NCOA1: variants seen among roughly 807,000 people sequenced by gnomAD.
The protein encoded by NCOA1 is nuclear receptor coactivator 1.
A neutral mutation model predicts 150.9 loss-of-function variants in NCOA1; 35 were observed. The observed-to-expected ratio is 0.23, with a 90% confidence interval of 0.18 to 0.31. The LOEUF is 0.31. Ranked by LOEUF, NCOA1 falls within the 10% of genes least tolerant of loss-of-function variation. NCOA1 has a pLI of 1.00. For synonymous variants in NCOA1, 590 were observed against 630.0 expected, an observed-to-expected ratio of 0.94 and a Z score of 0.95; for missense variants, 1,491 against 1,749.3, an observed-to-expected ratio of 0.85 and a Z score of 2.63.
chr2:24,734,107 G>A (rs2148651315), intron 17 of NCOA1, among the ~76,000 whole-genome samples: 1 of 151,638 alleles, frequency 6.6e-6, no homozygotes, highest in East Asian at 1.9e-4. Flanking sequence ...AATCCAGGAG[G>A]TGGAGGTTGC....
At chr2:24,667,740 C>A (rs1234747073) in intron 6 of NCOA1, among the ~76,000 whole-genome samples, 3 of 152,132 alleles carry the variant, frequency 2.0e-5, no homozygotes. Context: ...ACACTCTGCC[C>A]CTGCTATTTA....
chr2:24,597,753 C>T (rs765924675), intron 3 of NCOA1, among the ~76,000 whole-genome samples: 14 of 152,130 alleles, frequency 9.2e-5, no homozygotes, highest in Non-Finnish European at 1.8e-4. Context: ...GCTTTACTCA[C>T]AGTTTACTGA....
Position 24,682,933 on chromosome 2 carries a change from T to C in NCOA1, c.355-18T>C. Reference sequence around the variant, plus strand: ...TATCTTTCAACCTCCAAACCATTTTTTTCTTTTGGTTTTGCAGGCTTTGGA... The same window carrying C: ...TATCTTTCAACCTCCAAACCATTTTCTTCTTTTGGTTTTGCAGGCTTTGGA... On this transcript the variant is annotated intron_variant, in intron 7 of 22. Coordinates refer to ENST00000348332, the MANE Select transcript of NCOA1 (RefSeq NM_003743.5). 1 of 1,569,492 alleles carries C rather than the reference T, an allele frequency of 6.4e-7. No homozygotes were observed. The highest frequency in any genetic ancestry group is 1.2e-5 in the South Asian group (1 of 82,184).
At chr2:24,741,671 A>C in intron 18 of NCOA1, 113 bp from the exon 19 acceptor site, 4 of 1,167,538 alleles carry the variant, frequency 3.4e-6, no homozygotes, top group Non-Finnish European at 4.8e-6. Flanking sequence ...TTGTACAGTG[A>C]TAATTGCTAT....
intron 3 of NCOA1, among the ~76,000 whole-genome samples, chr2:24,630,153 T>C (rs952989494): frequency 1.2e-4 from 18 of 152,192 alleles, no homozygotes; most frequent in Non-Finnish European, 2.2e-4. Context: ...CCGTAACTTA[T>C]TAATGTTTAC....
intron 3 of NCOA1, among the ~76,000 whole-genome samples, chr2:24,639,916 G>GTATGTA (rs1558864239): frequency 2.0e-4 from 6 of 29,732 alleles, no homozygotes; most frequent in Non-Finnish European, 6.6e-4. Context: ...ATGTGTGTGT[G>GTATGTA]TATATATATA....
intron 1 of NCOA1, among the ~76,000 whole-genome samples, chr2:24,505,907 T>C (rs1663672090): frequency 6.6e-6 from 1 of 152,000 alleles, no homozygotes. Context: ...CCATCTGCCA[T>C]AGGAAAGAAT....
chr2:24,545,852 G>T (rs947502816), intron 1 of NCOA1, among the ~76,000 whole-genome samples: 12 of 152,104 alleles, frequency 7.9e-5, no homozygotes, highest in African/African-American at 2.7e-4. Context: ...GAGTGCAGTG[G>T]CACGATCTCG....
chr2:24,503,733 GTTTTTTT>G (rs72387328), intron 1 of NCOA1, among the ~76,000 whole-genome samples: 2 of 132,098 alleles, frequency 1.5e-5, no homozygotes, highest in African/African-American at 5.7e-5. Flanking sequence ...ACTTGTCTCT[GTTTTTTT>G]TTTTTTTTTT....
chr2:24,608,704 G>GTTTTTTT (rs56710627), intron 3 of NCOA1, among the ~76,000 whole-genome samples: 33 of 117,296 alleles, frequency 2.8e-4, no homozygotes, highest in Non-Finnish European at 3.8e-4. Context: ...TTGTTGTTGT[G>GTTTTTTT]TTTTTTTTTT....
chr2:24,591,909 G>A (rs1667673622), intron 3 of NCOA1, among the ~76,000 whole-genome samples: 2 of 152,100 alleles, frequency 1.3e-5, no homozygotes, highest in East Asian at 1.9e-4. Context: ...TTAAAAAAAA[G>A]TTTTCTTGAA....
intron 11 of NCOA1, among the ~76,000 whole-genome samples, chr2:24,701,324 C>G (rs535638924): frequency 6.6e-6 from 1 of 151,710 alleles, no homozygotes; most frequent in Non-Finnish European, 1.5e-5. Flanking sequence ...GGCAACATGG[C>G]GAAACCTCAT....
At chr2:24,606,978 C>T (rs939633130) in intron 3 of NCOA1, among the ~76,000 whole-genome samples, 5 of 152,288 alleles carry the variant, frequency 3.3e-5, no homozygotes, top group Admixed American at 6.5e-5. Context: ...ACCCTCACTT[C>T]TTGTTCCATG....
intron 1 of NCOA1, among the ~76,000 whole-genome samples, chr2:24,532,465 T>C (rs538104641): frequency 1.3e-4 from 20 of 152,266 alleles, no homozygotes; most frequent in Middle Eastern, 3.4e-3. Context: ...AATTAGATCC[T>C]GTTTGTCAAT....
chr2:24,698,756 A>G (rs1488662106), intron 11 of NCOA1, among the ~76,000 whole-genome samples: 1 of 152,120 alleles, frequency 6.6e-6, no homozygotes, highest in Non-Finnish European at 1.5e-5. Context: ...TTATTTTGTC[A>G]TTCTTAATTT....
At chr2:24,573,133 T>C (rs971895196) in intron 2 of NCOA1, among the ~76,000 whole-genome samples, 7 of 152,026 alleles carry the variant, frequency 4.6e-5, no homozygotes, top group Non-Finnish European at 8.8e-5. Flanking sequence ...TGATCTTAAA[T>C]GAGGAGGCAT....
intron 3 of NCOA1, among the ~76,000 whole-genome samples, chr2:24,592,589 T>G (rs1031739231): frequency 6.7e-6 from 1 of 149,168 alleles, no homozygotes; most frequent in African/African-American, 2.5e-5. Flanking sequence ...TTTTTTTTTT[T>G]TTTTTTTTTT....
Position 24,557,690 on chromosome 2 carries a change from G to A in NCOA1, c.-395-6605G>A, listed in dbSNP as rs532988961. On this transcript the variant is annotated intron_variant, in intron 1 of 22. Transcript: ENST00000348332. ...AGTTCAAAAAAAGCCCTTTATTGTC[G>A]AAAAGTATTTTTGCTGGTTATTGAA... 2.0e-4 allele frequency among the ~76,000 whole-genome samples: 30 copies of A among 152,098 alleles called. No homozygotes were observed. In the South Asian group the frequency reaches 4.6e-3, roughly 23 times the overall value.
chr2:24,568,478 A>G (rs1403192926), intron 2 of NCOA1, among the ~76,000 whole-genome samples: 1 of 152,082 alleles, frequency 6.6e-6, no homozygotes, highest in East Asian at 1.9e-4. Context: ...ACCTTGGGAG[A>G]ATTGAAGTAA....
Sources: gnomAD v4.1 joint callset for allele counts (sites outside exome capture counted in the v4.1 genomes callset) on GRCh38, gnomAD v4.1.1 for gene constraint, MANE v1.5 for transcripts, NCBI Gene and HGNC (gene_info 2026-07-23, HGNC 2026-07-21) for gene names.